The following FBLN2 variants were observed in gnomAD, a reference collection of about 807,000 sequenced individuals.
The protein encoded by FBLN2 is fibulin-2.
In FBLN2, 81 loss-of-function variants were observed where a neutral mutation model predicts 123.7. That is an observed-to-expected ratio of 0.65 (90% confidence interval 0.55 to 0.79). FBLN2 has a LOEUF of 0.79. FBLN2 is among the 30% of genes least tolerant of loss of function. FBLN2 has a pLI of 0.00. For missense variants in FBLN2, 1,603 were observed against 1,681.3 expected (o/e 0.95, Z 0.81); for synonymous variants, 699 against 701.4 (o/e 1.00, Z 0.05).
intron 5 of FBLN2, among the ~76,000 whole-genome samples, chr3:13,614,921 C>CATCT (rs1232561720): frequency 6.6e-6 from 1 of 150,836 alleles, no homozygotes; most frequent in African/African-American, 2.4e-5. Flanking sequence ...TCCATCCATC[C>CATCT]ATCCATCCAT....
At chr3:13,568,444 G>T (rs1041268766) in intron 1 of FBLN2, among the ~76,000 whole-genome samples, 2 of 152,316 alleles carry the variant, frequency 1.3e-5, no homozygotes, top group East Asian at 1.9e-4. Context: ...GTGTCTCAGC[G>T]CAGTGGGCAG....
intron 2 of FBLN2, among the ~76,000 whole-genome samples, chr3:13,588,695 A>G (rs1559409854): frequency 6.6e-6 from 1 of 152,232 alleles, no homozygotes; most frequent in Non-Finnish European, 1.5e-5. Context: ...GTTTACTTCT[A>G]AGAGAAAAAA....
intron 16 of FBLN2, among the ~76,000 whole-genome samples, chr3:13,634,514 A>G (rs186420926): frequency 6.6e-4 from 101 of 152,344 alleles, no homozygotes; most frequent in African/African-American, 2.4e-3. Context: ...CCCCACCCAC[A>G]TAAGCTCCAG....
chr3:13,636,168 A>G (rs34508980), intron 16 of FBLN2, among the ~76,000 whole-genome samples: 118,180 of 152,128 alleles, frequency 0.78, 46,354 homozygotes, highest in East Asian at 0.9. Context: ...AGAGCCTTGC[A>G]CTGTGTGGCT....
chr3:13,570,354 C>G lies in FBLN2; in HGVS notation c.-2C>G. The G allele has an allele frequency of 6.5e-7, 1 of 1,549,502 alleles. No homozygotes were observed. Among genetic ancestry groups the G allele is most frequent in the Non-Finnish European group, 8.7e-7 (1 of 1,145,578 alleles). ...GGGGACCGTCCTGGGCTGGCCTGGACCATGGTGCTGCTCTGGGAGCCTGCA... is the reference window on the plus strand; with the variant it reads ...GGGGACCGTCCTGGGCTGGCCTGGAGCATGGTGCTGCTCTGGGAGCCTGCA... On this transcript the variant is annotated 5_prime_UTR_variant, in exon 2 of 18. Coordinates refer to ENST00000404922, the MANE Select transcript of FBLN2 (RefSeq NM_001004019.2).
intron 2 of FBLN2, among the ~76,000 whole-genome samples, chr3:13,582,831 G>A (rs1704376954): frequency 6.6e-6 from 1 of 152,236 alleles, no homozygotes. Context: ...CTGGGGTGGC[G>A]GGGGAGGGAT....
intron 4 of FBLN2, among the ~76,000 whole-genome samples, chr3:13,611,799 A>G (rs1226240994): frequency 6.6e-6 from 1 of 152,194 alleles, no homozygotes; most frequent in Non-Finnish European, 1.5e-5. Flanking sequence ...CTTAGATTTC[A>G]TTGGCTGGAG....
intron 2 of FBLN2, among the ~76,000 whole-genome samples, chr3:13,585,512 C>T (rs888866739): frequency 4.6e-5 from 7 of 152,142 alleles, no homozygotes; most frequent in Admixed American, 2.6e-4. Context: ...TGGTCCCATA[C>T]GATTATGGTG....
Position 13,571,466 on chromosome 3 carries a change from C to G in FBLN2, c.1111C>G (p.Gln371Glu). Residue 371 changes from glutamine to glutamate, a missense_variant, in exon 2 of 18, where the codon CAG (glutamine) becomes GAG (glutamate). Coordinates refer to ENST00000404922, the MANE Select transcript of FBLN2 (RefSeq NM_001004019.2). ...SLGKAALVPTQAVPGSPRDPV... is the reference protein window; with the variant it reads ...SLGKAALVPTEAVPGSPRDPV... ...GGGCAAGGCTGCTCTCGTCCCAACT[C>G]AGGCCGTGCCTGGCTCTCCCAGGGA... 1 of 1,613,274 alleles carries G rather than the reference C, an allele frequency of 6.2e-7. No individual in the cohort carries two copies. The highest frequency in any genetic ancestry group is 1.1e-5 in the South Asian group (1 of 90,846).
intron 1 of FBLN2, chr3:13,566,421 T>C (rs889280833): frequency 1.6e-4 from 24 of 152,288 alleles, no homozygotes; most frequent in African/African-American, 5.8e-4. Context: ...GGAGGGAGTG[T>C]TCTCCACTTG....
chr3:13,575,812 C>T (rs1704121850), intron 2 of FBLN2, among the ~76,000 whole-genome samples: 1 of 152,158 alleles, frequency 6.6e-6, no homozygotes, highest in Admixed American at 6.5e-5. Context: ...ACACACTCCA[C>T]CCACAACATG....
intron 2 of FBLN2, among the ~76,000 whole-genome samples, chr3:13,593,219 C>CA (rs1704731586): frequency 6.6e-6 from 1 of 152,320 alleles, no homozygotes. Flanking sequence ...ATTTAGCAGC[C>CA]ACCTCTGGAG....
Position 13,619,795 on chromosome 3 carries a change from G to A in FBLN2, c.2119G>A (p.Gly707Ser), listed in dbSNP as rs750519523. The change falls in exon 8 of 18, where the codon GGC becomes AGC. Residue 707 changes from glycine (G) to serine (S), a missense_variant. Transcript: ENST00000404922. ...CTCAGCCATATGCTCCTGTTTTCCC[G>A]GCTATGCCATCATGGCGGATGGCGT... Reference protein sequence around the residue: ...GGSAICSCFPGYAIMADGVSC... With the variant: ...GGSAICSCFPSYAIMADGVSC... 1.7e-4 allele frequency: 281 copies of A among 1,612,612 alleles called. No individual in the cohort carries two copies. The highest frequency in any genetic ancestry group is 6.7e-5 in the Admixed American group (4 of 59,846).
At chr3:13,585,927 C>T (rs938856016) in intron 2 of FBLN2, among the ~76,000 whole-genome samples, 2 of 152,158 alleles carry the variant, frequency 1.3e-5, no homozygotes, top group African/African-American at 4.8e-5. Context: ...AGGCCTAGGG[C>T]ACTACTGTGC....
At chr3:13,618,703 C>T (rs1472352122) in intron 6 of FBLN2, among the ~76,000 whole-genome samples, 1 of 152,140 alleles carries the variant, frequency 6.6e-6, no homozygotes, top group East Asian at 1.9e-4. Context: ...TTTCCTTCTA[C>T]CCCCTCTGCC....
At position 13,608,087 on chromosome 3, in the gene FBLN2, T is replaced by G; in HGVS notation, c.1332T>G (p.Thr444=). The part of the protein sequence containing the change: ...PEGSTKDLIE[T]CCAAGQQWAI... Reference sequence around the variant, plus strand: ...GCTCCACCAAGGACCTGATCGAGACTTGCTGCGCAGCCGGACAGCAGTGGG... The same window carrying G: ...GCTCCACCAAGGACCTGATCGAGACGTGCTGCGCAGCCGGACAGCAGTGGG... Residue 444 remains threonine, a synonymous_variant, in exon 3 of 18, where the codon ACT becomes ACG. Coordinates refer to ENST00000404922, the MANE Select transcript of FBLN2 (RefSeq NM_001004019.2). 6.3e-7 allele frequency: 1 copy of G among 1,590,784 alleles called. No homozygotes were observed. Among genetic ancestry groups the G allele is most frequent in the Non-Finnish European group, 8.6e-7 (1 of 1,168,818 alleles).
chr3:13,604,681 G>A (rs1229699323), intron 2 of FBLN2, among the ~76,000 whole-genome samples: 1 of 152,216 alleles, frequency 6.6e-6, no homozygotes, highest in Non-Finnish European at 1.5e-5. Flanking sequence ...AGTGGGGGAT[G>A]TGTCTAATGT....
At chr3:13,597,342 A>T (rs912988767) in intron 2 of FBLN2, among the ~76,000 whole-genome samples, 4 of 152,232 alleles carry the variant, frequency 2.6e-5, no homozygotes, top group African/African-American at 9.6e-5. Context: ...GGAAGTGTCC[A>T]CATGGGCAGC....
At chr3:13,554,189 G>A (rs576166384) in intron 1 of FBLN2, among the ~76,000 whole-genome samples, 23 of 152,368 alleles carry the variant, frequency 1.5e-4, no homozygotes, top group African/African-American at 5.0e-4. Context: ...GGCGGACAGT[G>A]CTGCTGGCCG....
Sources: gnomAD v4.1 joint callset for allele counts (sites outside exome capture counted in the v4.1 genomes callset) on GRCh38, gnomAD v4.1.1 for gene constraint, MANE v1.5 for transcripts, NCBI Gene and HGNC (gene_info 2026-07-23, HGNC 2026-07-21) for gene names.